The following LRRTM4 variants were observed in gnomAD, a reference collection of about 807,000 sequenced individuals.
LRRTM4 encodes the protein leucine rich repeat transmembrane neuronal 4.
In LRRTM4, 25 loss-of-function variants were observed where a neutral mutation model predicts 47.6. The observed-to-expected ratio is 0.53, with a 90% CI of 0.38 to 0.73. LRRTM4 has a LOEUF of 0.73. Among genes scored for constraint, LRRTM4 ranks in the 30% least tolerant of loss-of-function variants. The probability of loss-of-function intolerance (pLI) is 0.00; values close to 1 mark genes in which losing one functional copy is unlikely to be tolerated. For missense variants in LRRTM4, 638 were observed against 713.4 expected (o/e 0.89, Z 1.20); for synonymous variants, 311 against 269.5 (o/e 1.15, Z -1.51).
intron 3 of LRRTM4, among the ~76,000 whole-genome samples, chr2:77,138,508 A>G (rs771332412): frequency 9.2e-5 from 14 of 152,232 alleles, no homozygotes; most frequent in Admixed American, 4.6e-4. Flanking sequence ...AAATGCCCAC[A>G]AGAAAAAGCA....
chr2:76,788,137 G>T lies in LRRTM4; in HGVS notation c.1552-39221C>A, dbSNP rs981476357. Among the ~76,000 whole-genome samples the T allele has an allele frequency of 3.3e-5, 5 of 152,096 alleles. No homozygotes were observed. The East Asian group carries it at 9.6e-4, about 29-fold the overall frequency. On this transcript the variant is annotated intron_variant, in intron 3 of 3. Transcript: ENST00000409884. ...ATACAATCATGATTAAACTGAAGAA[G>T]GTCAGTCTGTAGTAGGAGAACCAAG...
chr2:77,122,940 T>G (rs1390382876), intron 3 of LRRTM4, among the ~76,000 whole-genome samples: 1 of 151,904 alleles, frequency 6.6e-6, no homozygotes, highest in Non-Finnish European at 1.5e-5. Context: ...ACACGTCAAG[T>G]TTTACACATA....
chr2:77,434,658 G>T (rs1371436856), intron 3 of LRRTM4, among the ~76,000 whole-genome samples: 1 of 152,052 alleles, frequency 6.6e-6, no homozygotes, highest in East Asian at 1.9e-4. Context: ...CTCCAGGTTT[G>T]GTGTTCAGTA....
At chr2:77,405,997 T>C (rs899970512) in intron 3 of LRRTM4, among the ~76,000 whole-genome samples, 2 of 152,130 alleles carry the variant, frequency 1.3e-5, no homozygotes, top group African/African-American at 4.8e-5. Context: ...GCTTAACACT[T>C]GGTCCATCTC....
At chr2:76,887,679 G>A (rs1673122353) in intron 3 of LRRTM4, among the ~76,000 whole-genome samples, 1 of 129,536 alleles carries the variant, frequency 7.7e-6, no homozygotes, top group South Asian at 2.6e-4. Flanking sequence ...ATATATATGT[G>A]CACATATGTC....
intron 3 of LRRTM4, among the ~76,000 whole-genome samples, chr2:77,241,425 A>ATTTT (rs1434187676): frequency 2.0e-5 from 3 of 152,134 alleles, no homozygotes; most frequent in Non-Finnish European, 4.4e-5. Flanking sequence ...AAAATGAGTC[A>ATTTT]GTAATAAGCA....
intron 3 of LRRTM4, among the ~76,000 whole-genome samples, chr2:77,345,408 G>T (rs956940176): frequency 2.6e-5 from 4 of 151,716 alleles, no homozygotes; most frequent in Non-Finnish European, 5.9e-5. Flanking sequence ...ACCTTAAAAA[G>T]AACTTTTGTG....
chr2:76,779,495 G>C (rs1162526968), intron 3 of LRRTM4, among the ~76,000 whole-genome samples: 1 of 144,324 alleles, frequency 6.9e-6, no homozygotes, highest in East Asian at 2.0e-4. Flanking sequence ...TTGTTGAATT[G>C]ATCCCTTTAC....
chr2:76,814,129 A>ATGAC (rs1274132819), intron 3 of LRRTM4, among the ~76,000 whole-genome samples: 20 of 152,028 alleles, frequency 1.3e-4, no homozygotes, highest in African/African-American at 4.3e-4. Flanking sequence ...TCTTGTTCTC[A>ATGAC]TGACTATAAT....
intron 3 of LRRTM4, among the ~76,000 whole-genome samples, chr2:77,437,063 G>A (rs1186214865): frequency 6.6e-6 from 1 of 151,996 alleles, no homozygotes; most frequent in Non-Finnish European, 1.5e-5. Context: ...ACAGTGATCT[G>A]ATTAAAAAGA....
intron 3 of LRRTM4, among the ~76,000 whole-genome samples, chr2:77,491,387 A>G (rs980961988): frequency 2.0e-5 from 3 of 152,092 alleles, no homozygotes; most frequent in Non-Finnish European, 4.4e-5. Flanking sequence ...GAAATTAGAA[A>G]TGTCCCTGAG....
At chr2:77,271,027 C>G (rs1573175121) in intron 3 of LRRTM4, among the ~76,000 whole-genome samples, 2 of 152,166 alleles carry the variant, frequency 1.3e-5, no homozygotes, top group South Asian at 4.1e-4. Context: ...GAAGAGAAAG[C>G]CTGACTTCGG....
At chr2:76,940,710 C>T (rs529283096) in intron 3 of LRRTM4, among the ~76,000 whole-genome samples, 6 of 152,240 alleles carry the variant, frequency 3.9e-5, no homozygotes, top group South Asian at 2.1e-4. Context: ...CTAGATTGTA[C>T]GTACTATGTA....
chr2:76,914,813 T>C (rs1674189529), intron 3 of LRRTM4, among the ~76,000 whole-genome samples: 1 of 152,218 alleles, frequency 6.6e-6, no homozygotes, highest in South Asian at 2.1e-4. Flanking sequence ...CTCACCATCA[T>C]ATTTACTTCT....
At chr2:76,767,014 A>C (rs1412538236) in intron 3 of LRRTM4, among the ~76,000 whole-genome samples, 23 of 152,074 alleles carry the variant, frequency 1.5e-4, no homozygotes, top group Admixed American at 1.5e-3. Flanking sequence ...ATAACCCTGC[A>C]TCTTCACTTT....
intron 3 of LRRTM4, among the ~76,000 whole-genome samples, chr2:77,460,258 T>C (rs576802519): frequency 3.3e-5 from 5 of 152,236 alleles, no homozygotes; most frequent in South Asian, 2.1e-4. Context: ...AAATTTAATG[T>C]CTTTTTGTTT....
intron 3 of LRRTM4, among the ~76,000 whole-genome samples, chr2:76,792,397 A>G (rs373219934): frequency 4.6e-4 from 70 of 152,286 alleles, no homozygotes; most frequent in African/African-American, 1.5e-3. Flanking sequence ...GTTCCACTCT[A>G]GGAATCATCT....
intron 3 of LRRTM4, among the ~76,000 whole-genome samples, chr2:76,988,727 G>T (rs1676896488): frequency 6.6e-6 from 1 of 151,700 alleles, no homozygotes; most frequent in Non-Finnish European, 1.5e-5. Context: ...ACTCTCGTCA[G>T]TTCCATAACA....
chr2:77,277,772 C>T (rs1676401700), intron 3 of LRRTM4, among the ~76,000 whole-genome samples: 2 of 152,010 alleles, frequency 1.3e-5, no homozygotes, highest in Admixed American at 6.6e-5. Context: ...CCATACATGA[C>T]TTGTGTAATT....
Sources: gnomAD v4.1 joint callset for allele counts (sites outside exome capture counted in the v4.1 genomes callset) on GRCh38, gnomAD v4.1.1 for gene constraint, MANE v1.5 for transcripts, NCBI Gene and HGNC (gene_info 2026-07-23, HGNC 2026-07-21) for gene names.